The following ADCY1 variants were observed in gnomAD, a reference collection of about 807,000 sequenced individuals.
The protein encoded by ADCY1 is adenylate cyclase 1.
Under a neutral mutation model 105.4 loss-of-function variants are expected in ADCY1, and 28 were observed. That is an observed-to-expected ratio of 0.27 (90% CI 0.20 to 0.36). ADCY1 has a LOEUF of 0.36. Among genes scored for constraint, ADCY1 ranks in the 10% least tolerant of loss-of-function variants. The pLI is 1.00. For synonymous variants in ADCY1, 655 were observed against 623.8 expected, an observed-to-expected ratio of 1.05 and a Z score of -0.75; for missense variants, 977 against 1,434.2, an observed-to-expected ratio of 0.68 and a Z score of 5.15.
intron 4 of ADCY1, among the ~76,000 whole-genome samples, chr7:45,638,618 C>G (rs544650163): frequency 4.1e-4 from 63 of 152,040 alleles, no homozygotes; most frequent in Non-Finnish European, 6.9e-4. Flanking sequence ...GTGTGTGCCT[C>G]ATATGTGCTG....
Position 45,708,921 on chromosome 7 carries a change from T to A in ADCY1, c.2932+457T>A, listed in dbSNP as rs2248284. ...CCTGTGTCGTGAGGAGGAAAAACCA[T>A]TGGATGCCCCAGTTCCTTTCTAGCT... On this transcript the variant is annotated intron_variant, in intron 18 of 19. Transcript: ENST00000297323. The surrounding 1 kb of genome is among the most constrained non-coding windows in gnomAD (Gnocchi z 4.7). Among the ~76,000 whole-genome samples, 2 of 151,956 alleles carry A rather than the reference T, an allele frequency of 1.3e-5. No homozygotes were observed. The highest frequency in any genetic ancestry group is 2.9e-5 in the Non-Finnish European group (2 of 67,944).
chr7:45,671,296 A>G (rs1407858344), intron 8 of ADCY1, among the ~76,000 whole-genome samples: 2 of 152,186 alleles, frequency 1.3e-5, no homozygotes, highest in African/African-American at 4.8e-5. Flanking sequence ...ATAGTCCTTC[A>G]TGGTATGGAT....
At chr7:45,664,166 G>C in intron 8 of ADCY1, 1 of 873,214 alleles carries the variant, frequency 1.1e-6, no homozygotes. Context: ...GGGCGTTCCT[G>C]CTAAAACTGG....
intron 1 of ADCY1, among the ~76,000 whole-genome samples, chr7:45,590,097 G>A (rs564110510): frequency 1.3e-5 from 2 of 152,130 alleles, no homozygotes; most frequent in East Asian, 3.9e-4. Flanking sequence ...GCAGAGATGA[G>A]GGGGACCGGC....
intron 14 of ADCY1, among the ~76,000 whole-genome samples, chr7:45,688,279 C>T (rs967423290): frequency 1.1e-4 from 16 of 152,200 alleles, no homozygotes; most frequent in African/African-American, 3.9e-4. Context: ...TCCAGGTGTG[C>T]AAGAAATAAC....
In ADCY1 at chr7:45,718,446, G is replaced by T. The variant is rs1190909204; in HGVS notation, c.*4451G>T. On this transcript the variant is annotated 3_prime_UTR_variant, in exon 20 of 20. Transcript: ENST00000297323. ...TTCAGGCCTGGGGGCCCCATGCTAGGCTTGCCTGGGTGTGAGAAGGTCGAA... is the reference window on the plus strand; with the variant it reads ...TTCAGGCCTGGGGGCCCCATGCTAGTCTTGCCTGGGTGTGAGAAGGTCGAA... 1 of 152,238 alleles carries T rather than the reference G, an allele frequency of 6.6e-6. No homozygotes were observed. The highest frequency in any genetic ancestry group is 1.5e-5 in the Non-Finnish European group (1 of 68,076). 9.4% of individuals were successfully genotyped at this position (152,238 alleles called of 1,614,324 possible).
At chr7:45,606,109 C>G (rs1279069861) in intron 2 of ADCY1, among the ~76,000 whole-genome samples, 1 of 152,114 alleles carries the variant, frequency 6.6e-6, no homozygotes, top group Non-Finnish European at 1.5e-5. Context: ...GAGTTCTAGT[C>G]CCTCATGGTC....
chr7:45,687,697 G>A (rs1362415610), intron 14 of ADCY1, among the ~76,000 whole-genome samples: 3 of 152,242 alleles, frequency 2.0e-5, no homozygotes, highest in African/African-American at 7.2e-5. Context: ...CTTCAGAACA[G>A]CACTGCCTAG....
At chr7:45,610,557 T>C (rs1376589445) in intron 3 of ADCY1, 60 bp downstream of exon 3, 1 of 1,435,390 alleles carries the variant, frequency 7.0e-7, no homozygotes, top group Non-Finnish European at 9.8e-7. Flanking sequence ...GTGGAGATAA[T>C]GGTGAAGGTG....
chr7:45,661,351 A>C (rs1430945036), intron 7 of ADCY1, among the ~76,000 whole-genome samples: 1 of 151,950 alleles, frequency 6.6e-6, no homozygotes, highest in East Asian at 1.9e-4. Flanking sequence ...AGAGAAAGTG[A>C]AGTTGAGAGG....
chr7:45,641,185 C>G (rs1053205954), intron 4 of ADCY1, among the ~76,000 whole-genome samples: 5 of 152,224 alleles, frequency 3.3e-5, no homozygotes, highest in Non-Finnish European at 7.3e-5. Context: ...CCTTTGCTCT[C>G]CTTGTGGATC....
rs180819899 is a variant in ADCY1 at position 45,719,653 on chromosome 7, G to T, written c.*5658G>T. The T allele has an allele frequency of 6.6e-6, 1 of 152,208 alleles. No homozygotes were observed. The highest frequency in any genetic ancestry group is 1.9e-4 in the East Asian group (1 of 5,188). 9.4% of individuals were successfully genotyped at this position (152,208 alleles called of 1,614,324 possible). ...GTGCCTGCATTACATGTGTGAACACGTGTTTCTGTCGTGTGTGTCATGCAC... is the reference window on the plus strand; with the variant it reads ...GTGCCTGCATTACATGTGTGAACACTTGTTTCTGTCGTGTGTGTCATGCAC... On this transcript the variant is annotated 3_prime_UTR_variant, in exon 20 of 20. Transcript: ENST00000297323.
chr7:45,704,934 C>A (rs1345186623), intron 17 of ADCY1, among the ~76,000 whole-genome samples: 2 of 151,030 alleles, frequency 1.3e-5, no homozygotes, highest in Non-Finnish European at 3.0e-5. Flanking sequence ...GTCCCTCCCC[C>A]ACCAGCCCCC....
rs1440527245 is a variant in ADCY1 at position 45,592,746 on chromosome 7, T to C, written c.640-13T>C. The C allele has an allele frequency of 6.2e-7, 1 of 1,613,684 alleles. No individual in the cohort carries two copies. Among genetic ancestry groups the C allele is most frequent in the Non-Finnish European group, 8.5e-7 (1 of 1,179,846 alleles). On this transcript the variant is annotated splice_polypyrimidine_tract_variant and intron_variant, in intron 1 of 19. Coordinates refer to ENST00000297323, the MANE Select transcript of ADCY1 (RefSeq NM_021116.4). ...TGTCAGGCTCCACATGTTGCCTCCTTCTCTCCCTGCAGCTCGGTGCCAATG... is the reference window on the plus strand; with the variant it reads ...TGTCAGGCTCCACATGTTGCCTCCTCCTCTCCCTGCAGCTCGGTGCCAATG...
At position 45,592,759 on chromosome 7, in the gene ADCY1, C is replaced by G; in HGVS notation, c.640C>G (p.Leu214Val). 1.9e-6 allele frequency: 3 copies of G among 1,614,162 alleles called. No individual in the cohort carries two copies. The highest frequency in any genetic ancestry group is 2.5e-6 in the Non-Finnish European group (3 of 1,180,004). ...PAKRPRLWRT[L>V]GANALLFVGV... Reference sequence around the variant, plus strand: ...ATGTTGCCTCCTTCTCTCCCTGCAGCTCGGTGCCAATGCCTTGCTCTTCGT... The same window carrying G: ...ATGTTGCCTCCTTCTCTCCCTGCAGGTCGGTGCCAATGCCTTGCTCTTCGT... The change falls in exon 2 of 20, where the codon CTC becomes GTC. Residue 214 changes from leucine (L) to valine (V), a missense_variant and splice_region_variant. By Grantham distance (32) the Leu-to-Val change is conservative. Coordinates refer to ENST00000297323, the MANE Select transcript of ADCY1 (RefSeq NM_021116.4).
chr7:45,700,076 A>G (rs942281334), intron 14 of ADCY1, among the ~76,000 whole-genome samples: 2 of 152,136 alleles, frequency 1.3e-5, no homozygotes, highest in African/African-American at 2.4e-5. Context: ...CCCTGCAGGG[A>G]GGAGAGAAGC....
intron 14 of ADCY1, among the ~76,000 whole-genome samples, chr7:45,696,813 C>T (rs1204776521): frequency 2.6e-5 from 4 of 152,126 alleles, no homozygotes; most frequent in South Asian, 2.1e-4. Flanking sequence ...TTTCTGCCCA[C>T]GGAGTGGGCA....
At chr7:45,666,908 T>A (rs1003763617) in intron 8 of ADCY1, among the ~76,000 whole-genome samples, 9 of 152,268 alleles carry the variant, frequency 5.9e-5, no homozygotes, top group African/African-American at 1.7e-4. Flanking sequence ...ATGTGTTTTT[T>A]GGCTGCATAA....
rs1328536166 is a variant in ADCY1 at position 45,716,128 on chromosome 7, G to C, written c.*2133G>C. ...TGTTCTGGCATCACCTTGTGCCGGT[G>C]GGGGCTGGGCTCCCGTGAGGTCCTA... On this transcript the variant is annotated 3_prime_UTR_variant, in exon 20 of 20. Transcript: ENST00000297323. The C allele has an allele frequency of 6.5e-6, 1 of 152,796 alleles. No homozygotes were observed. The highest frequency in any genetic ancestry group is 6.5e-5 in the Admixed American group (1 of 15,290). The allele number at this position is 152,796 out of a possible 1,614,324, so 9.5% of individuals were successfully genotyped here.
Sources: gnomAD v4.1 joint callset for allele counts (sites outside exome capture counted in the v4.1 genomes callset) on GRCh38, gnomAD v4.1.1 for gene constraint, Gnocchi (gnomAD v3.1) non-coding constraint, MANE v1.5 for transcripts, NCBI Gene and HGNC (gene_info 2026-07-23, HGNC 2026-07-21) for gene names.